The following RAB28 variants were observed in gnomAD, a reference collection of about 807,000 sequenced individuals.
The protein encoded by RAB28 is RAB28, member RAS oncogene family, also known as ras-related protein Rab-28.
Under a neutral mutation model 31.7 loss-of-function variants are expected in RAB28, and 24 were observed. The observed-to-expected ratio is 0.76, with a 90% CI of 0.55 to 1.06. The LOEUF (loss-of-function observed/expected upper bound fraction) is 1.06. Ranked by LOEUF, RAB28 falls within the 50% of genes least tolerant of loss-of-function variation. RAB28 has a pLI of 0.00. For missense variants in RAB28, 254 were observed against 258.5 expected (o/e 0.98, Z 0.12); for synonymous variants, 100 against 90.4 (o/e 1.11, Z -0.60).
At chr4:13,424,085 T>C (rs904772225) in intron 4 of RAB28, among the ~76,000 whole-genome samples, 2 of 152,242 alleles carry the variant, frequency 1.3e-5, no homozygotes, top group African/African-American at 4.8e-5. Flanking sequence ...CTTACTATTA[T>C]GTAAAGTGTT....
chr4:13,413,887 T>C lies in RAB28; in HGVS notation c.392-32293A>G, dbSNP rs186674341. Among the ~76,000 whole-genome samples the C allele has an allele frequency of 4.9e-4, 74 of 152,316 alleles. 1 individual carries two copies. The highest frequency in any genetic ancestry group is 3.5e-3 in the South Asian group (17 of 4,824). On this transcript the variant is annotated intron_variant, in intron 4 of 6. Coordinates refer to ENST00000330852, the MANE Select transcript of RAB28 (RefSeq NM_001017979.3). ...AAATATAGAAGACAAGAACTATAGC[T>C]TGCCAGCTGGCCAGCATCTAGTCTT...
chr4:13,441,360 A>T lies in RAB28; in HGVS notation c.391+19339T>A, dbSNP rs769763134. Among the ~76,000 whole-genome samples the T allele has an allele frequency of 1.6e-3, 249 of 152,344 alleles. 1 individual carries two copies. The highest frequency in any genetic ancestry group is 2.9e-3 in the Non-Finnish European group (194 of 68,022). On this transcript the variant is annotated intron_variant, in intron 4 of 6. Coordinates refer to ENST00000330852, the MANE Select transcript of RAB28 (RefSeq NM_001017979.3). ...CTAATTAATTACCTAAAAATCCTTT[A>T]AAAAGTAATTAAATACAGACCACAA...
chr4:13,456,569 G>A (rs1268438868), intron 4 of RAB28, among the ~76,000 whole-genome samples: 2 of 152,168 alleles, frequency 1.3e-5, no homozygotes, highest in East Asian at 1.9e-4. Flanking sequence ...ATGTCACACT[G>A]CTCTTGAATG....
At chr4:13,459,341 T>C (rs1403479848) in intron 4 of RAB28, among the ~76,000 whole-genome samples, 1 of 152,314 alleles carries the variant, frequency 6.6e-6, no homozygotes, top group Middle Eastern at 3.4e-3. Flanking sequence ...TCAATTCTCC[T>C]TAATAAACTC....
At chr4:13,425,411 T>TCA (rs1224245915) in intron 4 of RAB28, among the ~76,000 whole-genome samples, 1 of 152,182 alleles carries the variant, frequency 6.6e-6, no homozygotes, top group Admixed American at 6.5e-5. Flanking sequence ...TAAAACTATT[T>TCA]CAACAAACAC....
rs537568933 is a variant in RAB28 at position 13,432,148 on chromosome 4, C to A, written c.391+28551G>T. ...TAACTACAGGATTTTCAAAATACAA[C>A]AGGAAGCTTTAACAATAGACTAGAC... is the stretch of plus-strand genomic sequence containing the variant. On this transcript the variant is annotated intron_variant, in intron 4 of 6. Transcript: ENST00000330852. 4.6e-5 allele frequency among the ~76,000 whole-genome samples: 7 copies of A among 152,070 alleles called. No individual in the cohort carries two copies. In the South Asian group the frequency reaches 8.3e-4, roughly 18 times the overall value.
rs184360593 is a variant in RAB28 at position 13,421,106 on chromosome 4, A to C, written c.392-39512T>G. 6.6e-5 allele frequency among the ~76,000 whole-genome samples: 10 copies of C among 152,220 alleles called. No homozygotes were observed. The East Asian group carries it at 1.9e-3, about 29-fold the overall frequency. ...AAAAATCACAAGCATTCATATACACAAATAACAGACAAACAGAGAGCCAAA... is the reference window on the plus strand; with the variant it reads ...AAAAATCACAAGCATTCATATACACCAATAACAGACAAACAGAGAGCCAAA... On this transcript the variant is annotated intron_variant, in intron 4 of 6. Transcript: ENST00000330852.
At chr4:13,442,672 AGAG>A (rs1166048074) in intron 4 of RAB28, among the ~76,000 whole-genome samples, 1 of 152,232 alleles carries the variant, frequency 6.6e-6, no homozygotes, top group East Asian at 1.9e-4. Context: ...ATTACCCATA[AGAG>A]AAGACAGGAT....
At chr4:13,436,733 T>C (rs542521078) in intron 4 of RAB28, among the ~76,000 whole-genome samples, 1 of 152,168 alleles carries the variant, frequency 6.6e-6, no homozygotes, top group Non-Finnish European at 1.5e-5. Context: ...AAACATTCTA[T>C]GCTCAAAGAT....
intron 4 of RAB28, among the ~76,000 whole-genome samples, chr4:13,422,905 A>C (rs1376178729): frequency 6.6e-6 from 1 of 150,512 alleles, no homozygotes; most frequent in Non-Finnish European, 1.5e-5. Flanking sequence ...TAATTTTTAA[A>C]AATGAAAAAA....
intron 3 of RAB28, among the ~76,000 whole-genome samples, chr4:13,465,859 C>T (rs1243524699): frequency 4.0e-5 from 6 of 150,904 alleles, no homozygotes; most frequent in Middle Eastern, 3.4e-3. Context: ...AGCATGGTAC[C>T]GGCAAAAAAT....
intron 6 of RAB28, chr4:13,371,662 T>A (rs1728717981): frequency 6.8e-7 from 1 of 1,474,350 alleles, no homozygotes; most frequent in Non-Finnish European, 8.9e-7. Context: ...AGATTCCAAA[T>A]TTCACTTTCT....
At chr4:13,481,441 T>C (rs530473317) in intron 1 of RAB28, among the ~76,000 whole-genome samples, 30 of 152,056 alleles carry the variant, frequency 2.0e-4, no homozygotes, top group Non-Finnish European at 3.4e-4. Context: ...CAAGTCACTG[T>C]ATAAATACCC....
intron 4 of RAB28, among the ~76,000 whole-genome samples, chr4:13,423,209 T>C (rs1462619432): frequency 6.6e-6 from 1 of 152,160 alleles, no homozygotes. Flanking sequence ...CTTTTTGTTA[T>C]GGCCCATGAG....
intron 4 of RAB28, among the ~76,000 whole-genome samples, chr4:13,402,160 T>C (rs748290315): frequency 2.6e-4 from 40 of 152,242 alleles, no homozygotes; most frequent in Non-Finnish European, 5.0e-4. Context: ...TGGAAGAATA[T>C]GGTCTATCTT....
chr4:13,472,050 G>T (rs1716146300), intron 3 of RAB28, among the ~76,000 whole-genome samples: 1 of 152,052 alleles, frequency 6.6e-6, no homozygotes, highest in African/African-American at 2.4e-5. Flanking sequence ...AGGCAGCTTT[G>T]TAATAACATA....
intron 5 of RAB28, among the ~76,000 whole-genome samples, chr4:13,380,173 C>T (rs1304725694): frequency 6.6e-6 from 1 of 152,072 alleles, no homozygotes; most frequent in East Asian, 1.9e-4. Flanking sequence ...CCCATGTTCA[C>T]ATTGTCTGAG....
At chr4:13,386,459 T>C (rs113968188) in intron 4 of RAB28, among the ~76,000 whole-genome samples, 11,719 of 151,424 alleles carry the variant, frequency 0.077, 817 homozygotes, top group African/African-American at 0.19. Context: ...CCTGAACAGA[T>C]ACTTCTCAAA....
chr4:13,427,319 A>C (rs185192996), intron 4 of RAB28, among the ~76,000 whole-genome samples: 360 of 152,316 alleles, frequency 2.4e-3, no homozygotes, highest in Non-Finnish European at 2.8e-3. Flanking sequence ...CTTGCTATAA[A>C]CAAATGGCAA....
Sources: allele counts gnomAD v4.1 joint callset (sites outside exome capture counted in the v4.1 genomes callset), GRCh38; gene constraint gnomAD v4.1.1; transcripts MANE v1.5; gene names NCBI Gene and HGNC (gene_info 2026-07-23, HGNC 2026-07-21).